NAAA: variants seen among roughly 807,000 people sequenced by gnomAD.
The protein encoded by NAAA is N-acylethanolamine-hydrolyzing acid amidase.
NAAA carries 39 observed loss-of-function variants against 44.8 expected under a neutral mutation model. That is an observed-to-expected ratio of 0.87 (90% CI 0.67 to 1.14). The LOEUF (loss-of-function observed/expected upper bound fraction) is 1.14. Ranked by LOEUF, NAAA falls within the 50% of genes most tolerant of loss-of-function variation. The pLI, the probability that NAAA is intolerant of heterozygous loss-of-function variation, is 0.00. For missense variants in NAAA, 460 were observed against 467.8 expected (o/e 0.98, Z 0.15); for synonymous variants, 178 against 191.3 (o/e 0.93, Z 0.58).
intron 3 of NAAA, among the ~76,000 whole-genome samples, chr4:75,934,039 A>G (rs1727477629): frequency 7.2e-6 from 1 of 138,422 alleles, no homozygotes. Context: ...CAAAAATAAA[A>G]ACAATAGTAG....
Position 75,921,099 on chromosome 4 carries a change from C to G in NAAA, c.691G>C (p.Glu231Gln), listed in dbSNP as rs763902612. Residue 231 changes from glutamate (E) to glutamine (Q), a missense_variant, in exon 6 of 11, where the codon GAA becomes CAA. By Grantham distance (29) the Glu-to-Gln change is conservative. Coordinates refer to ENST00000286733, the MANE Select transcript of NAAA (RefSeq NM_014435.4). ...TTGGCCAACTTGCCAACAGCTGCTT[C>G]GAAGTTTTCCGACTCACTCAGGGTC... Reference protein sequence around the residue: ...RATLSESENFEAAVGKLAKTP... With the variant: ...RATLSESENFQAAVGKLAKTP... The G allele has an allele frequency of 1.6e-5, 25 of 1,582,880 alleles. No homozygotes were observed. The highest frequency in any genetic ancestry group is 2.1e-5 in the Non-Finnish European group (24 of 1,170,342).
chr4:75,929,473 C>T (rs536961315), intron 4 of NAAA, among the ~76,000 whole-genome samples: 2 of 152,306 alleles, frequency 1.3e-5, no homozygotes, highest in East Asian at 1.9e-4. Flanking sequence ...TCATTAAATG[C>T]ATATGTTGTA....
intron 4 of NAAA, among the ~76,000 whole-genome samples, chr4:75,926,616 T>G (rs1438088908): frequency 6.7e-6 from 1 of 149,160 alleles, no homozygotes. Context: ...ATTCACAGAT[T>G]GAGAGAAAAT....
chr4:75,913,846 C>A lies in NAAA; in HGVS notation c.*529G>T, dbSNP rs988949426. On this transcript the variant is annotated 3_prime_UTR_variant, in exon 11 of 11. Coordinates refer to ENST00000286733, the MANE Select transcript of NAAA (RefSeq NM_014435.4). ...GTTAGAAACATTATAAAAAACGAGA[C>A]TCCCATTACATGGAAACACATGATC... 47 of 985,176 alleles carry A rather than the reference C, an allele frequency of 4.8e-5. No individual in the cohort carries two copies. The Admixed American group carries it at 5.5e-4, about 12-fold the overall frequency. The allele number at this position is 985,176 out of a possible 1,614,324, so 61.0% of individuals were successfully genotyped here.
chr4:75,935,971 T>G, intron 3 of NAAA, 138 bp downstream of exon 3: 1 of 956,868 alleles, frequency 1.0e-6, no homozygotes, highest in East Asian at 2.5e-5. Context: ...ACCTCTCTTC[T>G]GGCTTTGTTT....
chr4:75,931,788 T>C (rs1348046867), intron 3 of NAAA, among the ~76,000 whole-genome samples: 2 of 152,256 alleles, frequency 1.3e-5, no homozygotes, highest in South Asian at 2.1e-4. Flanking sequence ...AAGTATAACA[T>C]TGAAATGGCT....
chr4:75,926,326 C>T (rs768563484), intron 4 of NAAA, among the ~76,000 whole-genome samples: 37 of 151,956 alleles, frequency 2.4e-4, no homozygotes, highest in Non-Finnish European at 4.7e-4. Flanking sequence ...TTTGGGAGGC[C>T]GAGGTGGGCG....
chr4:75,914,760 G>A, intron 10 of NAAA, 108 bp downstream of exon 10: 1 of 665,164 alleles, frequency 1.5e-6, no homozygotes, highest in Non-Finnish European at 2.5e-6. Flanking sequence ...CCAGATGCTT[G>A]TCAGAAAATA....
intron 3 of NAAA, chr4:75,935,077 T>A (rs1266763438): frequency 6.6e-6 from 1 of 152,210 alleles, no homozygotes; most frequent in Non-Finnish European, 1.5e-5. Context: ...ATTTATATTA[T>A]CGTTACCACT....
At chr4:75,918,837 A>G in intron 8 of NAAA, 48 bp from the exon 9 acceptor site, 4 of 1,549,816 alleles carry the variant, frequency 2.6e-6, no homozygotes, top group Non-Finnish European at 3.6e-6. Flanking sequence ...TGGTAGAAGA[A>G]ATACACATAG....
At chr4:75,930,456 C>T (rs770437133) in intron 4 of NAAA, 20 of 516,550 alleles carry the variant, frequency 3.9e-5, no homozygotes, top group Non-Finnish European at 1.2e-5. Flanking sequence ...AATAACAGCC[C>T]TGCCTAACAG....
downstream of NAAA, chr4:75,911,305 A>G: frequency 1.9e-6 from 1 of 517,824 alleles, no homozygotes; most frequent in Non-Finnish European, 3.8e-6. Context: ...ATGATGGCTT[A>G]GCTTGGGCTC....
rs1453821891 is a variant in NAAA, at chr4:75,925,872, ATATGT to A, written c.590-66_590-62del. ...GTATATATGTACACACATGAAACAG[ATATGT>A]TATTTTAGCAAGGAAATATAGAGAG... is the stretch of plus-strand genomic sequence containing the variant. On this transcript the variant is annotated intron_variant, in intron 4 of 10. Coordinates refer to ENST00000286733, the MANE Select transcript of NAAA (RefSeq NM_014435.4). 11 of 1,493,394 alleles carry A rather than the reference ATATGT, an allele frequency of 7.4e-6. No homozygotes were observed. In the East Asian group the frequency reaches 2.3e-4, roughly 31 times the overall value. The allele number at this position is 1,493,394 out of a possible 1,614,324, so 92.5% of individuals were successfully genotyped here.
intron 3 of NAAA, among the ~76,000 whole-genome samples, chr4:75,932,991 T>G (rs752215319): frequency 9.9e-5 from 15 of 151,644 alleles, no homozygotes; most frequent in Non-Finnish European, 2.1e-4. Context: ...AAAAATTAGC[T>G]GGGTGTGGTG....
intron 4 of NAAA, 105 bp from the exon 5 acceptor site, chr4:75,925,916 T>G (rs1291080736): frequency 9.3e-7 from 1 of 1,075,506 alleles, no homozygotes; most frequent in South Asian, 1.4e-5. Flanking sequence ...TTCACTCAAG[T>G]TTTGAAAGCA....
intron 2 of NAAA, among the ~76,000 whole-genome samples, chr4:75,936,701 A>C (rs1323506197): frequency 6.6e-6 from 1 of 152,206 alleles, no homozygotes; most frequent in Non-Finnish European, 1.5e-5. Context: ...CAAATGTTTC[A>C]TTTTGTCCCC....
intron 4 of NAAA, among the ~76,000 whole-genome samples, chr4:75,929,870 A>G (rs757108773): frequency 6.6e-6 from 1 of 152,132 alleles, no homozygotes; most frequent in Non-Finnish European, 1.5e-5. Context: ...TGGGTGGATC[A>G]CCTGAGGTTC....
intron 4 of NAAA, among the ~76,000 whole-genome samples, 165 bp from the exon 5 acceptor site, chr4:75,925,976 C>T (rs1726647113): frequency 1.3e-5 from 2 of 152,158 alleles, no homozygotes; most frequent in Non-Finnish European, 2.9e-5. Flanking sequence ...GGAAATAATT[C>T]TATTAATTAT....
At chr4:75,940,604 TC>T in intron 1 of NAAA, 139 bp downstream of exon 1, 1 of 988,476 alleles carries the variant, frequency 1.0e-6, no homozygotes, top group Non-Finnish European at 1.4e-6. Context: ...CGGACGCTGC[TC>T]AGGGCGGCAG....
Sources: allele counts gnomAD v4.1 joint callset (sites outside exome capture counted in the v4.1 genomes callset), GRCh38; gene constraint gnomAD v4.1.1; transcripts MANE v1.5; gene names NCBI Gene and HGNC (gene_info 2026-07-23, HGNC 2026-07-21).